The following P2RX7 variants were observed in gnomAD, a reference collection of about 807,000 sequenced individuals.
P2RX7 encodes purinergic receptor P2X 7.
A neutral mutation model predicts 71.6 loss-of-function variants in P2RX7; 62 were observed. The ratio of observed to expected loss-of-function variants is 0.87; its 90% CI spans 0.71 to 1.07. The LOEUF (loss-of-function observed/expected upper bound fraction) is 1.07. P2RX7 is among the 50% of genes least tolerant of loss of function. The pLI is 0.00. For synonymous variants in P2RX7, 299 were observed against 283.3 expected (o/e 1.06, Z -0.56); for missense variants, 686 against 748.5 (o/e 0.92, Z 0.97).
chr12:121,186,064 A>T lies in P2RX7; in HGVS notation c.*1262A>T, dbSNP rs1884858732. ...GCGAGACTCCATCTCAAAAAAAAAA[A>T]AAAGAAAAAAAAAATGTCTGCCTAT... On this transcript the variant is annotated 3_prime_UTR_variant, in exon 13 of 13. Coordinates refer to ENST00000328963, the MANE Select transcript of P2RX7 (RefSeq NM_002562.6). 6.5e-6 allele frequency: 1 copy of T among 152,960 alleles called. No individual in the cohort carries two copies. Among genetic ancestry groups the T allele is most frequent in the Non-Finnish European group, 1.4e-5 (1 of 69,002 alleles). The allele number at this position is 152,960 out of a possible 1,614,324, so 9.5% of individuals were successfully genotyped here.
chr12:121,170,764 G>T (rs1033424037), intron 8 of P2RX7, among the ~76,000 whole-genome samples: 2 of 152,056 alleles, frequency 1.3e-5, no homozygotes, highest in African/African-American at 4.8e-5. Context: ...ACAGAGCAAA[G>T]CTCTGTCTTT....
intron 4 of P2RX7, 164 bp from the exon 5 acceptor site, chr12:121,162,260 G>A (rs778234058): frequency 2.0e-4 from 278 of 1,416,652 alleles, no homozygotes; most frequent in African/African-American, 3.2e-4. Flanking sequence ...CCTTGTGTTC[G>A]TTGTGGTTAG....
chr12:121,179,804 T>G (rs967715656), intron 11 of P2RX7, among the ~76,000 whole-genome samples: 1 of 152,176 alleles, frequency 6.6e-6, no homozygotes, highest in Non-Finnish European at 1.5e-5. Context: ...GGGGGTCCAA[T>G]GTAAAAACAT....
intron 7 of P2RX7, 108 bp from the exon 8 acceptor site, chr12:121,167,380 A>AT (rs1425520210): frequency 1.1e-5 from 15 of 1,318,160 alleles, no homozygotes; most frequent in East Asian, 2.4e-5. Context: ...TTCAATCAGC[A>AT]TTTTTCCTCT....
intron 3 of P2RX7, 83 bp downstream of exon 3, chr12:121,156,230 C>A: frequency 1.6e-5 from 18 of 1,128,538 alleles, no homozygotes; most frequent in Non-Finnish European, 2.4e-5. Context: ...AAATGCGGAC[C>A]CTGGGGTGTA....
At chr12:121,170,972 G>A (rs7305883) in intron 8 of P2RX7, among the ~76,000 whole-genome samples, 17,623 of 152,030 alleles carry the variant, frequency 0.12, 1,295 homozygotes, top group Admixed American at 0.22. Context: ...GACCTGTGGC[G>A]AAATGTCCTT....
chr12:121,158,167 A>G (rs1878967614), intron 3 of P2RX7, among the ~76,000 whole-genome samples: 2 of 152,184 alleles, frequency 1.3e-5, no homozygotes, highest in Admixed American at 6.5e-5. Context: ...CAACATGAAT[A>G]GATATTTGCT....
intron 1 of P2RX7, among the ~76,000 whole-genome samples, chr12:121,153,810 T>G (rs1877992588): frequency 6.6e-6 from 1 of 151,910 alleles, no homozygotes; most frequent in Non-Finnish European, 1.5e-5. Context: ...TATGAAGTGC[T>G]CAATAAAGAG....
chr12:121,158,083 G>T (rs539720850), intron 3 of P2RX7, among the ~76,000 whole-genome samples: 1 of 152,024 alleles, frequency 6.6e-6, no homozygotes, highest in Non-Finnish European at 1.5e-5. Context: ...TTGGGCATTT[G>T]CCTCCTCTCT....
In P2RX7 at chr12:121,136,023, A is replaced by AAAAATATATAT; in HGVS notation, c.125+2929_125+2930insAAATATATATA. On this transcript the variant is annotated intron_variant, in intron 1 of 12. Transcript: ENST00000328963. ...TGTCTCAAAAAAAAAAAAAAAAAAA[A>AAAAATATATAT]ATATATATATATATATATAGTATTT... is the stretch of plus-strand genomic sequence containing the variant. Among the ~76,000 whole-genome samples, 3 of 15,260 alleles carry AAAAATATATAT rather than the reference A, an allele frequency of 2.0e-4. 1 individual carries two copies. Among genetic ancestry groups the AAAAATATATAT allele is most frequent in the East Asian group, 3.9e-3 (1 of 256 alleles). 10.0% of individuals were successfully genotyped at this position (15,260 alleles called of 152,430 possible).
chr12:121,181,944 A>T (rs973564749), intron 12 of P2RX7, among the ~76,000 whole-genome samples: 1 of 151,498 alleles, frequency 6.6e-6, no homozygotes. Flanking sequence ...CACACCTGTA[A>T]TCCCAGCTAC....
Position 121,149,172 on chromosome 12 carries a change from C to T in P2RX7, c.126-5613C>T. ...TGTGGATTGAGACTCTGAAGAACGA[C>T]TTTATGGTGGGCACCTTCATCTCCA... is the stretch of plus-strand genomic sequence containing the variant. On this transcript the variant is annotated intron_variant, in intron 1 of 12. Transcript: ENST00000328963. The surrounding 1 kb of genome is among the most constrained non-coding windows in gnomAD (Gnocchi z 4.7). 1 of 416,872 alleles carries T rather than the reference C, an allele frequency of 2.4e-6. No individual in the cohort carries two copies. Among genetic ancestry groups the T allele is most frequent in the Non-Finnish European group, 4.8e-6 (1 of 209,014 alleles). 25.8% of individuals were successfully genotyped at this position (416,872 alleles called of 1,614,324 possible).
chr12:121,153,967 TAA>T (rs1441175134), intron 1 of P2RX7, among the ~76,000 whole-genome samples: 1 of 151,634 alleles, frequency 6.6e-6, no homozygotes, highest in Non-Finnish European at 1.5e-5. Context: ...TAAAAAATAA[TAA>T]AAACTAGCTG....
At chr12:121,139,108 A>G (rs545633690) in intron 1 of P2RX7, among the ~76,000 whole-genome samples, 1 of 152,108 alleles carries the variant, frequency 6.6e-6, no homozygotes, top group East Asian at 1.9e-4. Context: ...CACCCGGCTC[A>G]TTTTTGTATT....
chr12:121,180,863 C>T (rs1884031780), intron 12 of P2RX7, among the ~76,000 whole-genome samples: 1 of 151,776 alleles, frequency 6.6e-6, no homozygotes, highest in Non-Finnish European at 1.5e-5. Context: ...ACTCAGAAGG[C>T]TGAGGCAGGA....
intron 1 of P2RX7, among the ~76,000 whole-genome samples, chr12:121,151,270 CAG>C (rs1286987692): frequency 6.7e-6 from 1 of 149,814 alleles, no homozygotes; most frequent in Non-Finnish European, 1.5e-5. Flanking sequence ...CTTTTTGAGA[CAG>C]AGTCTCACTC....
intron 4 of P2RX7, chr12:121,162,185 C>G: frequency 7.9e-7 from 1 of 1,260,846 alleles, no homozygotes; most frequent in Non-Finnish European, 1.0e-6. Flanking sequence ...AACAAAAGAG[C>G]CAGCAGAATC....
At chr12:121,183,385 A>G (rs1026611613) in intron 12 of P2RX7, among the ~76,000 whole-genome samples, 1 of 151,454 alleles carries the variant, frequency 6.6e-6, no homozygotes, top group Non-Finnish European at 1.5e-5. Flanking sequence ...AGCCTGGCCA[A>G]TATGGTGAAA....
chr12:121,135,866 T>C (rs915854647), intron 1 of P2RX7, among the ~76,000 whole-genome samples: 1 of 150,172 alleles, frequency 6.7e-6, no homozygotes, highest in African/African-American at 2.4e-5. Context: ...TAGCCGGGCA[T>C]GGTGGTGGGT....
Sources: allele counts gnomAD v4.1 joint callset (sites outside exome capture counted in the v4.1 genomes callset), GRCh38; gene constraint gnomAD v4.1.1; non-coding constraint Gnocchi (gnomAD v3.1); transcripts MANE v1.5; gene names NCBI Gene and HGNC (gene_info 2026-07-23, HGNC 2026-07-21).